KLHL8: variants seen among roughly 807,000 people sequenced by gnomAD.
The protein encoded by KLHL8 is kelch like family member 8, also known as kelch-like protein 8.
KLHL8 carries 38 observed loss-of-function variants against 63.5 expected under a neutral mutation model. The observed-to-expected ratio is 0.60, with a 90% CI of 0.46 to 0.78. The LOEUF (loss-of-function observed/expected upper bound fraction) is 0.78, where lower values mean the gene tolerates loss of function less well. Among genes scored for constraint, KLHL8 ranks in the 30% least tolerant of loss-of-function variants. The probability of loss-of-function intolerance (pLI) is 0.00; values close to 1 mark genes in which losing one functional copy is unlikely to be tolerated. For synonymous variants in KLHL8, 224 were observed against 254.3 expected (o/e 0.88, Z 1.13); for missense variants, 566 against 752.4 (o/e 0.75, Z 2.90).
At chr4:87,225,491 G>A (rs893256515), upstream of KLHL8, among the ~76,000 whole-genome samples, 3 of 152,166 alleles carry the variant, frequency 2.0e-5, no homozygotes, top group Non-Finnish European at 2.9e-5. Context: ...CAAGGGCCAG[G>A]CAGTAAATAT....
chr4:87,206,585 C>G (rs957011092), intron 1 of KLHL8, among the ~76,000 whole-genome samples: 1 of 152,186 alleles, frequency 6.6e-6, no homozygotes, highest in East Asian at 1.9e-4. Flanking sequence ...CAAGGCCACA[C>G]AGTTCTGTAG....
At chr4:87,182,965 A>C (rs1171004328) in intron 4 of KLHL8, among the ~76,000 whole-genome samples, 2 of 152,194 alleles carry the variant, frequency 1.3e-5, no homozygotes, top group Non-Finnish European at 2.9e-5. Context: ...AAAAGAAGAG[A>C]TATTTCAGTA....
chr4:87,188,835 T>C (rs1731359846), intron 2 of KLHL8, among the ~76,000 whole-genome samples: 1 of 152,220 alleles, frequency 6.6e-6, no homozygotes, highest in Admixed American at 6.5e-5. Flanking sequence ...TACATAATAT[T>C]AGACATTACC....
Position 87,228,644 on chromosome 4 carries a change from CT to C in KLHL8, n.58-7255del, listed in dbSNP as rs1466532439. ...TTTTTATCAGCAATTTAAGCCTATT[CT>C]TTTACTGGGTCAGTGGAGAAAGAAG... On this transcript the variant is annotated intron_variant and non_coding_transcript_variant, in intron 1 of 1. Coordinates refer to the KLHL8 transcript ENST00000506274. Among the ~76,000 whole-genome samples the C allele has an allele frequency of 3.9e-5, 6 of 152,278 alleles. No individual in the cohort carries two copies. The East Asian group carries it at 1.2e-3, about 29-fold the overall frequency.
At chr4:87,220,139 A>G (rs577480392) in intron 1 of KLHL8, 1 of 152,552 alleles carries the variant, frequency 6.6e-6, no homozygotes, top group Non-Finnish European at 1.5e-5. Flanking sequence ...CCGGGAGCAT[A>G]ACCCTGCTCC....
chr4:87,183,076 T>C, intron 4 of KLHL8, 127 bp downstream of exon 4: 1 of 585,700 alleles, frequency 1.7e-6, no homozygotes, highest in Non-Finnish European at 2.8e-6. Flanking sequence ...TATAAAACCG[T>C]ATTTGCCAAT....
At chr4:87,176,733 A>T in intron 6 of KLHL8, 24 bp downstream of exon 6, 1 of 1,337,688 alleles carries the variant, frequency 7.5e-7, no homozygotes, top group Middle Eastern at 1.8e-4. Flanking sequence ...CATCAGTTCA[A>T]AATAACTTTC....
chr4:87,182,574 A>C (rs1731096349), intron 4 of KLHL8, among the ~76,000 whole-genome samples: 1 of 152,178 alleles, frequency 6.6e-6, no homozygotes, highest in Non-Finnish European at 1.5e-5. Flanking sequence ...TAAATATTTT[A>C]TTAAAAAGTG....
chr4:87,183,573 T>A (rs568648812), intron 3 of KLHL8, among the ~76,000 whole-genome samples, 184 bp from the exon 4 acceptor site: 1 of 152,312 alleles, frequency 6.6e-6, no homozygotes, highest in African/African-American at 2.4e-5. Flanking sequence ...TGATTTTCAA[T>A]GTGCCAAATT....
At chr4:87,227,967 T>C (rs1369191474) in intron 1 of KLHL8, among the ~76,000 whole-genome samples, 1 of 152,132 alleles carries the variant, frequency 6.6e-6, no homozygotes, top group African/African-American at 2.4e-5. Flanking sequence ...GGTAGGAGGC[T>C]GGAGTTTGGG....
Position 87,164,016 on chromosome 4 carries a change from C to CA in KLHL8, c.1600dup (p.Trp534LeufsTer30). The stretch of plus-strand genomic sequence containing the variant: ...AGTAGTAAGTGCTGCCACATAATCC[C>CA]ACTTGTTGCTTCGGGGGTCATACCG... On this transcript the variant is annotated frameshift_variant, in exon 9 of 10. Coordinates refer to ENST00000273963, the MANE Select transcript of KLHL8 (RefSeq NM_020803.5). LOFTEE classifies it high-confidence loss of function. 6 of 1,614,194 alleles carry CA rather than the reference C, an allele frequency of 3.7e-6. No individual in the cohort carries two copies. Among genetic ancestry groups the CA allele is most frequent in the Non-Finnish European group, 5.1e-6 (6 of 1,180,038 alleles).
At chr4:87,234,861 C>A (rs1225342303) in intron 1 of KLHL8, among the ~76,000 whole-genome samples, 1 of 152,082 alleles carries the variant, frequency 6.6e-6, no homozygotes, top group Non-Finnish European at 1.5e-5. Flanking sequence ...GTGATATTGA[C>A]GATCCTGACA....
intron 2 of KLHL8, 73 bp downstream of exon 2, chr4:87,195,251 A>T: frequency 1.2e-5 from 15 of 1,241,712 alleles, no homozygotes; most frequent in Non-Finnish European, 1.7e-5. Flanking sequence ...TTTGCCTTGT[A>T]TGGTTACAGA....
chr4:87,226,695 T>A (rs1472436682), intron 1 of KLHL8, among the ~76,000 whole-genome samples: 9 of 15,298 alleles, frequency 5.9e-4, no homozygotes, highest in Admixed American at 3.8e-3. Context: ...AATATATATA[T>A]TATTTATATA....
intron 6 of KLHL8, among the ~76,000 whole-genome samples, chr4:87,172,452 G>A (rs565717216): frequency 2.6e-5 from 4 of 152,272 alleles, no homozygotes; most frequent in African/African-American, 9.6e-5. Context: ...ATAAATGGGT[G>A]CTATTTTAAG....
intron 4 of KLHL8, 73 bp from the exon 5 acceptor site, chr4:87,178,693 G>A: frequency 7.1e-7 from 1 of 1,405,984 alleles, no homozygotes; most frequent in Non-Finnish European, 9.4e-7. Flanking sequence ...CCAAAACTTT[G>A]GATAAAAGCA....
intron 1 of KLHL8, among the ~76,000 whole-genome samples, chr4:87,231,363 C>A (rs34242006): frequency 2.0e-4 from 31 of 152,210 alleles, no homozygotes; most frequent in African/African-American, 7.0e-4. Context: ...TAAATCTAAA[C>A]CCTTACGTCT....
At chr4:87,207,643 A>G in intron 1 of KLHL8, 3 of 1,192,052 alleles carry the variant, frequency 2.5e-6, no homozygotes, top group Non-Finnish European at 3.8e-6. Flanking sequence ...CACCCAGAAG[A>G]CTGTGGATGG....
At chr4:87,207,832 GA>G in intron 1 of KLHL8, 1 of 1,392,620 alleles carries the variant, frequency 7.2e-7, no homozygotes, top group Non-Finnish European at 1.0e-6. Flanking sequence ...CTGCCATCTG[GA>G]AAAACCTGCC....
Sources: allele counts gnomAD v4.1 joint callset (sites outside exome capture counted in the v4.1 genomes callset), GRCh38; gene constraint gnomAD v4.1.1; transcripts MANE v1.5; gene names NCBI Gene and HGNC (gene_info 2026-07-23, HGNC 2026-07-21).